TRIM23: variants seen among roughly 807,000 people sequenced by gnomAD.
The protein encoded by TRIM23 is E3 ubiquitin-protein ligase TRIM23.
In TRIM23, 27 loss-of-function variants were observed where a neutral mutation model predicts 71.0. That is an observed-to-expected ratio of 0.38 (90% CI 0.28 to 0.52). TRIM23 has a LOEUF of 0.52. Ranked by LOEUF, TRIM23 falls within the 20% of genes least tolerant of loss-of-function variation. The pLI is 0.84. For synonymous variants in TRIM23, 234 were observed against 238.0 expected, an observed-to-expected ratio of 0.98 and a Z score of 0.16; for missense variants, 482 against 692.3, an observed-to-expected ratio of 0.70 and a Z score of 3.41.
At chr5:65,622,810 T>C (rs184071719) in intron 1 of TRIM23, among the ~76,000 whole-genome samples, 2 of 152,278 alleles carry the variant, frequency 1.3e-5, no homozygotes, top group East Asian at 3.8e-4. Flanking sequence ...AAACTGGAGT[T>C]ACATCAGGCT....
chr5:65,591,884 C>T lies in TRIM23; in HGVS notation c.1610G>A (p.Cys537Tyr), dbSNP rs779395473. The T allele has an allele frequency of 6.2e-7, 1 of 1,613,796 alleles. No homozygotes were observed. The highest frequency in any genetic ancestry group is 1.3e-5 in the African/African-American group (1 of 74,876). ...TELLSLHKLC[C>Y]GRSWYIQGCD... Reference sequence around the variant, plus strand: ...GCCCTGAATATACCAGCTACGGCCACAGCATAATTTATGGAGACTGAGTAG... The same window carrying T: ...GCCCTGAATATACCAGCTACGGCCATAGCATAATTTATGGAGACTGAGTAG... The change falls in exon 11 of 11, where the codon TGT (cysteine) becomes TAT (tyrosine). Residue 537 changes from cysteine (C) to tyrosine (Y), a missense_variant. Coordinates refer to ENST00000231524, the MANE Select transcript of TRIM23 (RefSeq NM_001656.4).
At chr5:65,609,546 T>C in intron 5 of TRIM23, 88 bp from the exon 6 acceptor site, 5 of 1,340,340 alleles carry the variant, frequency 3.7e-6, no homozygotes, top group Non-Finnish European at 5.1e-6. Flanking sequence ...CTAGGCAACA[T>C]GGCAAAACTC....
rs457761 is a variant in TRIM23, at chr5:65,604,619, T to C, written c.1179+292A>G. On this transcript the variant is annotated intron_variant, in intron 7 of 10. Coordinates refer to ENST00000231524, the MANE Select transcript of TRIM23 (RefSeq NM_001656.4). ...AGGAAGATTCATTATATATACCATA[T>C]ATATACCATTTATATTTTCTTATTT... The C allele has an allele frequency of 0.3, 66,336 of 219,486 alleles. 10,616 individuals carry two copies. Among genetic ancestry groups the C allele is most frequent in the African/African-American group, 0.37 (16,309 of 43,812 alleles). 13.6% of individuals were successfully genotyped at this position (219,486 alleles called of 1,614,324 possible).
At position 65,591,614 on chromosome 5, in the gene TRIM23, CA is replaced by C. The variant is rs1178563171; in HGVS notation, c.*154del. 4.3e-6 allele frequency: 5 copies of C among 1,172,304 alleles called. No individual in the cohort carries two copies. The African/African-American group carries it at 8.6e-5, about 20-fold the overall frequency. The allele number at this position is 1,172,304 out of a possible 1,614,324, so 72.6% of individuals were successfully genotyped here. ...ATTCTGCCACAAAATTTTTTTAAAG[CA>C]AAGTACTGAATTCCCAATCCAAGAT... is the stretch of plus-strand genomic sequence containing the variant. On this transcript the variant is annotated 3_prime_UTR_variant, in exon 11 of 11. Transcript: ENST00000231524.
At chr5:65,623,018 T>C (rs1754986485) in intron 1 of TRIM23, among the ~76,000 whole-genome samples, 1 of 152,224 alleles carries the variant, frequency 6.6e-6, no homozygotes, top group African/African-American at 2.4e-5. Flanking sequence ...TGAGGGCTCC[T>C]TTGCATATCA....
Position 65,594,489 on chromosome 5 carries a change from AAAAT to A in TRIM23, c.1545+28_1545+31del, listed in dbSNP as rs761030379. Reference sequence around the variant, plus strand: ...GCCTTTTGACATGCACAAAACTACTAAAATAAATATTCCAATATAAAAATGCATT... The same window carrying A: ...GCCTTTTGACATGCACAAAACTACTAAAATATTCCAATATAAAAATGCATT... On this transcript the variant is annotated intron_variant, in intron 10 of 10. Transcript: ENST00000231524. 34 of 1,592,676 alleles carry A rather than the reference AAAAT, an allele frequency of 2.1e-5. 1 individual carries two copies. Among genetic ancestry groups the A allele is most frequent in the Non-Finnish European group, 2.7e-5 (32 of 1,172,304 alleles).
chr5:65,615,642 C>T (rs1315582873), intron 2 of TRIM23, among the ~76,000 whole-genome samples: 1 of 152,048 alleles, frequency 6.6e-6, no homozygotes, highest in African/African-American at 2.4e-5. Context: ...ACATATTCTA[C>T]AACAAGCTGA....
chr5:65,591,648 T>A lies in TRIM23; in HGVS notation c.*121A>T, dbSNP rs969417225. 7 of 780,070 alleles carry A rather than the reference T, an allele frequency of 9.0e-6. No individual in the cohort carries two copies. The highest frequency in any genetic ancestry group is 8.5e-6 in the Non-Finnish European group (5 of 590,042). The allele number at this position is 780,070 out of a possible 1,614,324, so 48.3% of individuals were successfully genotyped here. On this transcript the variant is annotated 3_prime_UTR_variant, in exon 11 of 11. Transcript: ENST00000231524. ...GAATTCCCAATCCAAGATTCCTTTA[T>A]ATATATATATATATATATGCATCCT...
chr5:65,606,554 GCTC>G (rs1482973918), intron 6 of TRIM23, among the ~76,000 whole-genome samples: 3 of 151,480 alleles, frequency 2.0e-5, no homozygotes, highest in African/African-American at 7.3e-5. Flanking sequence ...TCTGATTTCA[GCTC>G]CTATTACTCT....
At chr5:65,616,911 G>A (rs1283649300) in intron 2 of TRIM23, among the ~76,000 whole-genome samples, 3 of 151,980 alleles carry the variant, frequency 2.0e-5, no homozygotes, top group Non-Finnish European at 2.9e-5. Context: ...TAGAAGAAAA[G>A]GGGTCTCACC....
chr5:65,590,730 C>A lies in TRIM23; in HGVS notation c.*1039G>T, dbSNP rs1753997927. The A allele has an allele frequency of 4.1e-6, 4 of 985,134 alleles. No homozygotes were observed. The highest frequency in any genetic ancestry group is 4.7e-5 in the South Asian group (1 of 21,278). 61.0% of individuals were successfully genotyped at this position (985,134 alleles called of 1,614,324 possible). On this transcript the variant is annotated 3_prime_UTR_variant, in exon 11 of 11. Coordinates refer to ENST00000231524, the MANE Select transcript of TRIM23 (RefSeq NM_001656.4). ...TTTCCTCTAGAGTAACTTTTCAAGG[C>A]CTTCTCATGAACAGCCTTAAGTTTT... is the stretch of plus-strand genomic sequence containing the variant.
At position 65,607,846 on chromosome 5, in the gene TRIM23, A is replaced by C. The variant is rs114538946; in HGVS notation, c.1044+1397T>G. Among the ~76,000 whole-genome samples the C allele has an allele frequency of 9.4e-3, 1,428 of 152,306 alleles. 24 individuals are homozygous for C. The highest frequency in any genetic ancestry group is 0.033 in the African/African-American group (1,369 of 41,564). ...GCCATGAGTTAAACATGTATTTATT[A>C]AGCTCTTTCTATCTAGATGCAAAGA... On this transcript the variant is annotated intron_variant, in intron 6 of 10. Coordinates refer to ENST00000231524, the MANE Select transcript of TRIM23 (RefSeq NM_001656.4).
rs892961944 is a variant in TRIM23 at position 65,597,234 on chromosome 5, A to G, written c.1180-54T>C. On this transcript the variant is annotated intron_variant, in intron 7 of 10. Coordinates refer to ENST00000231524, the MANE Select transcript of TRIM23 (RefSeq NM_001656.4). ...TGACATGCAGTTAGAAAGTAATAGC[A>G]TTTAGCACCTTTATTATTTCTACAT... 10 of 1,555,678 alleles carry G rather than the reference A, an allele frequency of 6.4e-6. No individual in the cohort carries two copies. In the African/African-American group the frequency reaches 1.1e-4, roughly 17 times the overall value.
intron 2 of TRIM23, among the ~76,000 whole-genome samples, chr5:65,617,167 T>C (rs1227744372): frequency 1.3e-5 from 2 of 152,242 alleles, no homozygotes; most frequent in Non-Finnish European, 2.9e-5. Context: ...TTACTGTCTA[T>C]TAGTTGTCAG....
At chr5:65,614,446 AT>A (rs1754730360) in intron 2 of TRIM23, among the ~76,000 whole-genome samples, 1 of 152,166 alleles carries the variant, frequency 6.6e-6, no homozygotes, top group African/African-American at 2.4e-5. Flanking sequence ...AAAATTTATT[AT>A]TTTTTGGCCA....
intron 2 of TRIM23, among the ~76,000 whole-genome samples, 173 bp downstream of exon 2, chr5:65,617,920 G>C (rs1489260601): frequency 6.6e-6 from 1 of 152,138 alleles, no homozygotes; most frequent in African/African-American, 2.4e-5. Flanking sequence ...TAGTAACTAA[G>C]AGTGAGATAG....
chr5:65,621,815 TGTTA>T (rs1026060696), intron 1 of TRIM23, among the ~76,000 whole-genome samples: 50 of 151,924 alleles, frequency 3.3e-4, no homozygotes, highest in Non-Finnish European at 4.9e-4. Context: ...TATTTTATGT[TGTTA>T]TTTATTATTA....
rs539330998 is a variant in TRIM23 at position 65,590,594 on chromosome 5, CATA to C, written c.*1172_*1174del. On this transcript the variant is annotated 3_prime_UTR_variant, in exon 11 of 11. Coordinates refer to ENST00000231524, the MANE Select transcript of TRIM23 (RefSeq NM_001656.4). ...TACCTATTTAAATAAATCGTGCTTC[CATA>C]ATAATATTCTTTAAAAATGAAAAAC... 202 of 1,012,182 alleles carry C rather than the reference CATA, an allele frequency of 2.0e-4. No homozygotes were observed. The African/African-American group carries it at 2.3e-3, about 12-fold the overall frequency. 62.7% of individuals were successfully genotyped at this position (1,012,182 alleles called of 1,614,324 possible).
At chr5:65,604,653 T>G (rs1381236400) in intron 7 of TRIM23, 1 of 294,776 alleles carries the variant, frequency 3.4e-6, no homozygotes, top group African/African-American at 2.2e-5. Context: ...TTTTACTTTT[T>G]TAAATTTAAA....
Sources: allele counts gnomAD v4.1 joint callset (sites outside exome capture counted in the v4.1 genomes callset), GRCh38; gene constraint gnomAD v4.1.1; transcripts MANE v1.5; gene names NCBI Gene and HGNC (gene_info 2026-07-23, HGNC 2026-07-21).